Variants in TAF1B observed in about 807,000 individuals in gnomAD.
TAF1B encodes the protein TATA-box binding protein associated factor, RNA polymerase I subunit B, also known as TATA box-binding protein-associated factor RNA polymerase I subunit B.
Under a neutral mutation model 83.9 loss-of-function variants are expected in TAF1B, and 61 were observed. The observed-to-expected ratio is 0.73, with a 90% CI of 0.59 to 0.90. The LOEUF is 0.90. TAF1B is among the 40% of genes least tolerant of loss of function. The pLI, the probability that TAF1B is intolerant of heterozygous loss-of-function variation, is 0.00. For synonymous variants in TAF1B, 221 were observed against 224.6 expected (o/e 0.98, Z 0.14); for missense variants, 625 against 677.0 (o/e 0.92, Z 0.85).
chr2:9,921,379 A>G (rs1177012126), intron 14 of TAF1B, among the ~76,000 whole-genome samples: 2 of 152,222 alleles, frequency 1.3e-5, no homozygotes, highest in African/African-American at 4.8e-5. Context: ...GGTGTGAGCC[A>G]CTGCGCCCAG....
chr2:9,887,605 C>T (rs1354096690), intron 8 of TAF1B, among the ~76,000 whole-genome samples: 1 of 149,688 alleles, frequency 6.7e-6, no homozygotes, highest in Non-Finnish European at 1.5e-5. Context: ...TATTTTTGAC[C>T]TATCTGTGTC....
chr2:9,930,097 A>G (rs1386386728), intron 14 of TAF1B, among the ~76,000 whole-genome samples: 2 of 151,724 alleles, frequency 1.3e-5, no homozygotes, highest in East Asian at 1.9e-4. Flanking sequence ...CTAGCGGTCT[A>G]TCAATTTTTT....
rs561610226 is a variant in TAF1B at position 9,874,918 on chromosome 2, A to T, written c.554-947A>T. ...TGTGTATCCTTTCCTTTATTTAAAA[A>T]ATTGGTTTATGTTCACTATTAAAAA... On this transcript the variant is annotated intron_variant, in intron 6 of 14. Coordinates refer to ENST00000263663, the MANE Select transcript of TAF1B (RefSeq NM_005680.3). Among the ~76,000 whole-genome samples the T allele has an allele frequency of 5.3e-5, 8 of 152,174 alleles. No homozygotes were observed. In the South Asian group the frequency reaches 1.7e-3, roughly 32 times the overall value.
At chr2:9,908,037 T>TC (rs1160098037) in intron 9 of TAF1B, among the ~76,000 whole-genome samples, 1 of 35,342 alleles carries the variant, frequency 2.8e-5, no homozygotes, top group Admixed American at 2.9e-4. Context: ...TCTTTTTTTT[T>TC]TTTTTTTTTT....
chr2:9,888,068 CTTAA>C (rs751316018), intron 8 of TAF1B, among the ~76,000 whole-genome samples: 1 of 152,070 alleles, frequency 6.6e-6, no homozygotes, highest in African/African-American at 2.4e-5. Flanking sequence ...GATGCCCAGG[CTTAA>C]TTAAGAATTT....
intron 14 of TAF1B, among the ~76,000 whole-genome samples, chr2:9,926,542 G>C (rs1666043876): frequency 1.3e-5 from 2 of 152,066 alleles, no homozygotes; most frequent in Non-Finnish European, 1.5e-5. Context: ...TAGTTAGTTT[G>C]AGATTGGCAG....
intron 11 of TAF1B, among the ~76,000 whole-genome samples, chr2:9,912,096 G>C (rs1192003104): frequency 6.6e-6 from 1 of 152,156 alleles, no homozygotes; most frequent in East Asian, 1.9e-4. Context: ...TAGATGTTTA[G>C]TGCCTTGAGG....
At chr2:9,862,988 A>T (rs1443411607) in intron 5 of TAF1B, among the ~76,000 whole-genome samples, 18 of 152,288 alleles carry the variant, frequency 1.2e-4, no homozygotes, top group Non-Finnish European at 2.2e-4. Flanking sequence ...CACTGCAAAA[A>T]CATGCCAAAT....
chr2:9,851,818 G>A lies in TAF1B; in HGVS notation c.303+180G>A, dbSNP rs1572212820. 14 of 648,638 alleles carry A rather than the reference G, an allele frequency of 2.2e-5. No individual in the cohort carries two copies. The East Asian group carries it at 3.6e-4, about 17-fold the overall frequency. 40.2% of individuals were successfully genotyped at this position (648,638 alleles called of 1,614,324 possible). ...GCAGTTCTGGAAGTGTGTTCTACAG[G>A]ATGTAAATAAGCAATACATCCAAAA... On this transcript the variant is annotated intron_variant, in intron 4 of 14. Transcript: ENST00000263663.
At chr2:9,930,784 A>G (rs564225476) in intron 14 of TAF1B, among the ~76,000 whole-genome samples, 3 of 152,258 alleles carry the variant, frequency 2.0e-5, no homozygotes, top group South Asian at 2.1e-4. Context: ...AAAGTCTCCC[A>G]TTATTATTGT....
chr2:9,868,360 A>G lies in TAF1B; in HGVS notation c.484A>G (p.Ser162Gly). 2 of 1,614,170 alleles carry G rather than the reference A, an allele frequency of 1.2e-6. No individual in the cohort carries two copies. The highest frequency in any genetic ancestry group is 1.7e-6 in the Non-Finnish European group (2 of 1,180,012). The change falls in exon 6 of 15, where the codon AGT becomes GGT. Residue 162 changes from serine to glycine, a missense_variant. Transcript: ENST00000263663. ...SDVSCPPFLE[S>G]GAESQSDIHT... is the part of the protein sequence containing the mutation. Reference sequence around the variant, plus strand: ...TGTCAGCTGTCCTCCTTTTCTTGAAAGTGGAGCGGAGTCTCAGTCTGACAT... The same window carrying G: ...TGTCAGCTGTCCTCCTTTTCTTGAAGGTGGAGCGGAGTCTCAGTCTGACAT...
At chr2:9,895,895 A>C (rs1665004530) in intron 8 of TAF1B, among the ~76,000 whole-genome samples, 1 of 146,622 alleles carries the variant, frequency 6.8e-6, no homozygotes, top group African/African-American at 2.5e-5. Context: ...TTATCACAGG[A>C]GCCTGCTGTT....
intron 12 of TAF1B, 114 bp downstream of exon 12, chr2:9,913,363 C>T (rs1378691945): frequency 3.9e-6 from 3 of 771,270 alleles, no homozygotes; most frequent in Non-Finnish European, 6.3e-6. Flanking sequence ...ACTTTTTTTT[C>T]TGGAAATATT....
intron 8 of TAF1B, 49 bp downstream of exon 8, chr2:9,882,854 TG>T: frequency 7.6e-7 from 1 of 1,318,818 alleles, no homozygotes; most frequent in Non-Finnish European, 1.1e-6. Context: ...GGCACAAGAG[TG>T]GTATGATAAT....
rs1188559868 is a variant in TAF1B at position 9,897,129 on chromosome 2, A to G, written c.808-7730A>G. Reference sequence around the variant, plus strand: ...AATCTTTCAGTTTACCTGGTAGAATAAACTGAAAATCTAGTACCTTTCAGG... The same window carrying G: ...AATCTTTCAGTTTACCTGGTAGAATGAACTGAAAATCTAGTACCTTTCAGG... On this transcript the variant is annotated intron_variant, in intron 8 of 14. Coordinates refer to ENST00000263663, the MANE Select transcript of TAF1B (RefSeq NM_005680.3). Among the ~76,000 whole-genome samples, 4 of 152,212 alleles carry G rather than the reference A, an allele frequency of 2.6e-5. No individual in the cohort carries two copies. The East Asian group carries it at 7.7e-4, about 29-fold the overall frequency.
chr2:9,871,810 A>G (rs1316133483), intron 6 of TAF1B, among the ~76,000 whole-genome samples: 2 of 152,006 alleles, frequency 1.3e-5, no homozygotes, highest in Admixed American at 6.6e-5. Context: ...CTTGGCTGTC[A>G]CTGTTCTGGA....
intron 7 of TAF1B, among the ~76,000 whole-genome samples, chr2:9,881,563 A>G (rs1276453392): frequency 1.3e-5 from 2 of 151,838 alleles, no homozygotes; most frequent in Non-Finnish European, 2.9e-5. Flanking sequence ...TCTCCTTAAC[A>G]TTTCACTCTA....
chr2:9,923,547 C>T lies in TAF1B; in HGVS notation c.1565+3727C>T, dbSNP rs377420765. Among the ~76,000 whole-genome samples the T allele has an allele frequency of 1.3e-3, 195 of 151,970 alleles. 3 individuals carry two copies. The highest frequency in any genetic ancestry group is 4.5e-3 in the African/African-American group (185 of 41,454). On this transcript the variant is annotated intron_variant, in intron 14 of 14. Transcript: ENST00000263663. ...ATACAAAATTAGCTGGATGTGGTGG[C>T]GCATGCCTGTAATCCCAGCTACTTG...
intron 8 of TAF1B, among the ~76,000 whole-genome samples, chr2:9,886,221 G>A (rs1171656856): frequency 7.3e-6 from 1 of 137,058 alleles, no homozygotes; most frequent in East Asian, 2.2e-4. Flanking sequence ...AAAAAAAAAA[G>A]ACATACCATT....
Sources: allele counts gnomAD v4.1 joint callset (sites outside exome capture counted in the v4.1 genomes callset), GRCh38; gene constraint gnomAD v4.1.1; transcripts MANE v1.5; gene names NCBI Gene and HGNC (gene_info 2026-07-23, HGNC 2026-07-21).